MLIP: variants seen among roughly 807,000 people sequenced by gnomAD.
MLIP encodes muscular LMNA interacting protein, also known as muscular LMNA-interacting protein.
Under a neutral mutation model 84.8 loss-of-function variants are expected in MLIP, and 79 were observed. The observed-to-expected ratio is 0.93, with a 90% CI of 0.78 to 1.12. The LOEUF is 1.12. Ranked by LOEUF, MLIP falls within the 50% of genes most tolerant of loss-of-function variation. The probability of loss-of-function intolerance (pLI) is 0.00; values close to 1 mark genes in which losing one functional copy is unlikely to be tolerated. For missense variants in MLIP, 1,257 were observed against 1,160.6 expected, an observed-to-expected ratio of 1.08 and a Z score of -1.21; for synonymous variants, 504 against 463.0, an observed-to-expected ratio of 1.09 and a Z score of -1.14.
intron 1 of MLIP, among the ~76,000 whole-genome samples, chr6:54,034,377 G>A (rs1764307851): frequency 6.6e-6 from 1 of 152,142 alleles, no homozygotes. Flanking sequence ...GTCATGTGCT[G>A]TATGATGATG....
At chr6:54,262,458 T>C (rs1194792205) in intron 13 of MLIP, among the ~76,000 whole-genome samples, 2 of 152,160 alleles carry the variant, frequency 1.3e-5, no homozygotes, top group South Asian at 2.1e-4. Context: ...TTATACATAG[T>C]TCATCTTAAG....
intron 3 of MLIP, among the ~76,000 whole-genome samples, chr6:54,125,163 AAGGTTGATATG>A (rs1306318506): frequency 1.3e-5 from 2 of 152,154 alleles, no homozygotes; most frequent in African/African-American, 4.8e-5. Context: ...ATTCTTGGAG[AAGGTTGATATG>A]AGGAGTTTCT....
chr6:54,186,890 C>T (rs898546584), intron 9 of MLIP, among the ~76,000 whole-genome samples: 12 of 152,120 alleles, frequency 7.9e-5, no homozygotes, highest in African/African-American at 2.9e-4. Context: ...GTGCATCAGA[C>T]CCTAGGTGCC....
chr6:54,244,983 T>C (rs1781981989), intron 12 of MLIP, among the ~76,000 whole-genome samples: 1 of 152,186 alleles, frequency 6.6e-6, no homozygotes, highest in African/African-American at 2.4e-5. Flanking sequence ...TTGAGAAACA[T>C]GATTTTTAAA....
chr6:54,087,171 A>T lies in MLIP; in HGVS notation c.64-34276A>T, dbSNP rs1310057227. Among the ~76,000 whole-genome samples the T allele has an allele frequency of 1.3e-5, 2 of 152,148 alleles. 1 individual carries two copies. Among genetic ancestry groups the T allele is most frequent in the Non-Finnish European group, 2.9e-5 (2 of 68,020 alleles). ...AATGAATATTATGATATATGGAAGTAGGGAATGGTTTCTGGAAGTCTATTC... is the reference window on the plus strand; with the variant it reads ...AATGAATATTATGATATATGGAAGTTGGGAATGGTTTCTGGAAGTCTATTC... On this transcript the variant is annotated intron_variant, in intron 1 of 12. Coordinates refer to the MLIP transcript ENST00000274897.
intron 1 of MLIP, chr6:54,059,043 C>T (rs145236929): frequency 6.6e-6 from 1 of 152,178 alleles, no homozygotes; most frequent in African/African-American, 2.4e-5. Flanking sequence ...ATATGCTGTA[C>T]TATCATTTAG....
At chr6:54,045,563 C>T (rs1316338603) in intron 1 of MLIP, 1 of 152,088 alleles carries the variant, frequency 6.6e-6, no homozygotes, top group Admixed American at 6.6e-5. Context: ...ATTTGTGTCT[C>T]CTCTTGAATC....
chr6:54,158,878 A>G (rs1426418493), intron 5 of MLIP, among the ~76,000 whole-genome samples: 1 of 151,692 alleles, frequency 6.6e-6, no homozygotes, highest in African/African-American at 2.4e-5. Flanking sequence ...TGATAAAAAA[A>G]AAAAATTTTC....
intron 10 of MLIP, among the ~76,000 whole-genome samples, chr6:54,198,070 T>C (rs1017484635): frequency 6.6e-6 from 1 of 152,132 alleles, no homozygotes; most frequent in Non-Finnish European, 1.5e-5. Flanking sequence ...TCTGGAATGA[T>C]AGACTTAGAA....
chr6:54,261,139 G>A (rs1382235151), intron 13 of MLIP, among the ~76,000 whole-genome samples: 1 of 151,934 alleles, frequency 6.6e-6, no homozygotes, highest in Non-Finnish European at 1.5e-5. Flanking sequence ...GAGTTACTTA[G>A]GAGAAAATTA....
chr6:54,106,273 G>C (rs1158642248), intron 1 of MLIP, among the ~76,000 whole-genome samples: 1 of 152,170 alleles, frequency 6.6e-6, no homozygotes, highest in African/African-American at 2.4e-5. Flanking sequence ...TCCCTAAGAA[G>C]GCAGAGTGAC....
intron 1 of MLIP, among the ~76,000 whole-genome samples, chr6:54,080,738 A>G (rs1038590503): frequency 3.4e-5 from 5 of 148,282 alleles, no homozygotes; most frequent in African/African-American, 9.8e-5. Context: ...TTAATATTTA[A>G]TCTATAAAAT....
At chr6:54,116,519 A>T (rs1290789422) in intron 1 of MLIP, among the ~76,000 whole-genome samples, 1 of 152,230 alleles carries the variant, frequency 6.6e-6, no homozygotes, top group Admixed American at 6.5e-5. Flanking sequence ...ACTCTTGGAC[A>T]CATACAACCT....
At chr6:54,260,188 T>C (rs1039898046) in intron 13 of MLIP, among the ~76,000 whole-genome samples, 2 of 151,914 alleles carry the variant, frequency 1.3e-5, no homozygotes, top group African/African-American at 4.8e-5. Flanking sequence ...TTCATTTAAA[T>C]ACAAACAGAT....
At chr6:54,083,402 G>A (rs1767286751) in intron 1 of MLIP, 1 of 1,408,186 alleles carries the variant, frequency 7.1e-7, no homozygotes, top group African/African-American at 1.4e-5. Flanking sequence ...CAGAGTTGTT[G>A]GGGAAGCAGG....
chr6:54,193,495 A>C (rs900641185), intron 10 of MLIP, among the ~76,000 whole-genome samples: 8 of 152,226 alleles, frequency 5.3e-5, no homozygotes, highest in Non-Finnish European at 8.8e-5. Context: ...CACCAGCATT[A>C]GTGTTCATCC....
intron 4 of MLIP, among the ~76,000 whole-genome samples, chr6:54,148,313 C>G (rs2797426): frequency 0.3 from 46,319 of 151,982 alleles, 7,429 homozygotes; most frequent in African/African-American, 0.38. Context: ...ATTTCTACAG[C>G]TTCCTCATGC....
intron 13 of MLIP, among the ~76,000 whole-genome samples, chr6:54,262,865 A>C (rs989989795): frequency 6.6e-6 from 1 of 152,026 alleles, no homozygotes; most frequent in Non-Finnish European, 1.5e-5. Flanking sequence ...TGAATTTCCA[A>C]TTGTTCTTAC....
chr6:54,039,349 C>T (rs1764617566), intron 1 of MLIP, among the ~76,000 whole-genome samples: 1 of 151,860 alleles, frequency 6.6e-6, no homozygotes, highest in South Asian at 2.1e-4. Context: ...AATAAAATAA[C>T]TGAAGAGGAA....
Sources: gnomAD v4.1 joint callset for allele counts (sites outside exome capture counted in the v4.1 genomes callset) on GRCh38, gnomAD v4.1.1 for gene constraint, MANE v1.5 for transcripts, NCBI Gene and HGNC (gene_info 2026-07-23, HGNC 2026-07-21) for gene names.